Variants in PRR5 observed in about 807,000 individuals in gnomAD.
PRR5 encodes proline-rich protein 5.
PRR5 carries 25 observed loss-of-function variants against 30.6 expected under a neutral mutation model. That is an observed-to-expected ratio of 0.82 (90% CI 0.60 to 1.14). PRR5 has a LOEUF of 1.14. PRR5 is among the 50% of genes most tolerant of loss of function. The pLI is 0.00. For missense variants in PRR5, 600 were observed against 547.1 expected (o/e 1.10, Z -0.96); for synonymous variants, 286 against 247.1 (o/e 1.16, Z -1.48).
chr22:44,720,995 C>T (rs1413256679), intron 2 of PRR5, among the ~76,000 whole-genome samples: 5 of 152,120 alleles, frequency 3.3e-5, no homozygotes, highest in African/African-American at 1.2e-4. Context: ...TTCATTTGTT[C>T]ACTTATTCCT....
rs1925272376 is a variant in PRR5 at position 44,691,886 on chromosome 22, A to C, written c.-10-10606A>C. Among the ~76,000 whole-genome samples the C allele has an allele frequency of 6.6e-6, 1 of 151,986 alleles. No homozygotes were observed. The highest frequency in any genetic ancestry group is 1.5e-5 in the Non-Finnish European group (1 of 67,966). On this transcript the variant is annotated intron_variant, in intron 1 of 8. Coordinates refer to the PRR5 transcript ENST00000006251. The surrounding 1 kb of genome is among the most constrained non-coding windows in gnomAD (Gnocchi z 4.4). Reference sequence around the variant, plus strand: ...CACCCTGGTTGGACGCCCCTCCTCCACGAGGGAAGCCAGGGCCTTGCCAGT... The same window carrying C: ...CACCCTGGTTGGACGCCCCTCCTCCCCGAGGGAAGCCAGGGCCTTGCCAGT...
intron 1 of PRR5, among the ~76,000 whole-genome samples, chr22:44,681,931 TGCTGTGGCCAGA>T (rs1924326019): frequency 6.6e-6 from 1 of 152,056 alleles, no homozygotes; most frequent in Non-Finnish European, 1.5e-5. Context: ...GTGGAAGGGA[TGCTGTGGCCAGA>T]GCCGTGGCCT....
intron 1 of PRR5, among the ~76,000 whole-genome samples, chr22:44,704,972 G>A (rs1402308064): frequency 1.3e-5 from 2 of 152,164 alleles, no homozygotes; most frequent in African/African-American, 4.8e-5. Flanking sequence ...GGGCCCCCTA[G>A]GACAACAGAT....
At position 44,691,383 on chromosome 22, in the gene PRR5, G is replaced by A. The variant is rs1208813416; in HGVS notation, c.-10-11109G>A. ...CTGGAGGGGTTGTGGTGGGGAGGCC[G>A]TGGCCCGCGCTGGGCACAGCATGTA... On this transcript the variant is annotated intron_variant, in intron 1 of 8. Transcript: ENST00000006251. This position sits in a 1 kb window ranked among gnomAD's most constrained non-coding sequence, Gnocchi z 4.4. Among the ~76,000 whole-genome samples the A allele has an allele frequency of 6.6e-6, 1 of 152,162 alleles. No homozygotes were observed. The highest frequency in any genetic ancestry group is 1.5e-5 in the Non-Finnish European group (1 of 68,024).
upstream of PRR5, among the ~76,000 whole-genome samples, chr22:44,674,768 A>T (rs1923626478): frequency 6.6e-6 from 1 of 151,852 alleles, no homozygotes; most frequent in African/African-American, 2.4e-5. Context: ...AACATGGTGA[A>T]ACCTAGTCTC....
intron 1 of PRR5, among the ~76,000 whole-genome samples, chr22:44,703,704 C>T (rs1291365405): frequency 6.6e-6 from 1 of 152,166 alleles, no homozygotes; most frequent in Non-Finnish European, 1.5e-5. Context: ...CCTGACCCAA[C>T]GACTGCACAG....
At chr22:44,677,218 G>A (rs1391501885) in exon 1 of PRR5, 1 of 152,374 alleles carries the variant, frequency 6.6e-6, no homozygotes, top group Non-Finnish European at 1.5e-5. Context: ...CCCACCTCCT[G>A]AGTCCTCTCG....
At chr22:44,682,065 C>T (rs1924341314) in intron 1 of PRR5, among the ~76,000 whole-genome samples, 1 of 152,216 alleles carries the variant, frequency 6.6e-6, no homozygotes, top group African/African-American at 2.4e-5. Flanking sequence ...TCACCACTGG[C>T]CCACTGAGTT....
chr22:44,711,757 G>C (rs1928274468), intron 1 of PRR5, among the ~76,000 whole-genome samples: 1 of 152,172 alleles, frequency 6.6e-6, no homozygotes, highest in Non-Finnish European at 1.5e-5. Flanking sequence ...CATCCAGGGT[G>C]TGGGGACAGT....
At chr22:44,703,135 A>G (rs1926623481) in intron 1 of PRR5, among the ~76,000 whole-genome samples, 1 of 151,414 alleles carries the variant, frequency 6.6e-6, no homozygotes, top group Non-Finnish European at 1.5e-5. Flanking sequence ...TCTTTAGAGG[A>G]CTCTCCTCCA....
At chr22:44,710,434 G>A (rs529683522) in intron 1 of PRR5, among the ~76,000 whole-genome samples, 1 of 152,262 alleles carries the variant, frequency 6.6e-6, no homozygotes, top group South Asian at 2.1e-4. Flanking sequence ...TCCACATCTG[G>A]ACAAGGGAGG....
At chr22:44,730,374 C>T (rs1346178971) in intron 4 of PRR5, 5 of 984,706 alleles carry the variant, frequency 5.1e-6, no homozygotes, top group Non-Finnish European at 6.0e-6. Context: ...CTTGGGGACA[C>T]GTCCTTGGAC....
Position 44,736,822 on chromosome 22 carries a change from C to T in PRR5, c.742C>T (p.Pro248Ser). Residue 248 changes from proline (P) to serine (S), a missense_variant, in exon 8 of 8, where the codon CCT (proline) becomes TCT (serine). Transcript: ENST00000336985. ...SRSGDVLAKN[P>S]VVRSKSYNTP... ...CTCGGGGGACGTGCTGGCCAAGAAC[C>T]CTGTGGTGCGCTCCAAGAGCTACAA... 1.9e-6 allele frequency: 3 copies of T among 1,589,206 alleles called. No individual in the cohort carries two copies. The highest frequency in any genetic ancestry group is 2.6e-6 in the Non-Finnish European group (3 of 1,162,262).
At chr22:44,725,957 G>A (rs146145579) in intron 3 of PRR5, among the ~76,000 whole-genome samples, 44 of 152,308 alleles carry the variant, frequency 2.9e-4, no homozygotes, top group Non-Finnish European at 4.6e-4. Context: ...GAGCCACCGC[G>A]CCCGACCAAT....
At chr22:44,710,421 C>T (rs544209189) in intron 1 of PRR5, among the ~76,000 whole-genome samples, 2 of 152,270 alleles carry the variant, frequency 1.3e-5, no homozygotes, top group East Asian at 1.9e-4. Flanking sequence ...CTAGAGGAGG[C>T]GGTCCACATC....
At chr22:44,697,850 G>C (rs774723708), upstream of PRR5, among the ~76,000 whole-genome samples, 63 of 152,214 alleles carry the variant, frequency 4.1e-4, no homozygotes, top group Non-Finnish European at 6.9e-4. Context: ...CAGCCTTGTG[G>C]GGACGAGTCG....
chr22:44,717,872 C>T (rs898138249), intron 2 of PRR5, among the ~76,000 whole-genome samples: 45 of 151,972 alleles, frequency 3.0e-4, no homozygotes, highest in African/African-American at 1.0e-3. Context: ...TGTGCCACCA[C>T]GACCGGCTAA....
At chr22:44,708,435 A>G (rs902362869) in intron 1 of PRR5, among the ~76,000 whole-genome samples, 4 of 151,826 alleles carry the variant, frequency 2.6e-5, no homozygotes, top group African/African-American at 9.7e-5. Context: ...GCCCTAAAGG[A>G]CCTTGTCTGC....
At position 44,732,268 on chromosome 22, in the gene PRR5, G is replaced by A. The variant is rs1922153240; in HGVS notation, c.432G>A (p.Val144=). 1.2e-6 allele frequency: 2 copies of A among 1,611,670 alleles called. No homozygotes were observed. The highest frequency in any genetic ancestry group is 1.7e-5 in the Admixed American group (1 of 60,000). ...GTCCACAGGGCAAGGAGCCATCGGT[G>A]CGCCAGCTGGCCCTGCTGCACTTCC... ...FYPVQGKEPS[V]RQLALLHFRN... Residue 144 remains valine, a synonymous_variant, in exon 6 of 8, where the codon GTG becomes GTA. Coordinates refer to ENST00000336985, the MANE Select transcript of PRR5 (RefSeq NM_181333.4).
Sources: allele counts gnomAD v4.1 joint callset (sites outside exome capture counted in the v4.1 genomes callset), GRCh38; gene constraint gnomAD v4.1.1; non-coding constraint Gnocchi (gnomAD v3.1); transcripts MANE v1.5; gene names NCBI Gene and HGNC (gene_info 2026-07-23, HGNC 2026-07-21).